The following ARRDC3 variants were observed in gnomAD, a reference collection of about 807,000 sequenced individuals.
ARRDC3 encodes arrestin domain containing 3.
Under a neutral mutation model 47.2 loss-of-function variants are expected in ARRDC3, and 10 were observed. The ratio of observed to expected loss-of-function variants is 0.21; its 90% CI spans 0.13 to 0.36. The LOEUF is 0.36. ARRDC3 is among the 10% of genes least tolerant of loss of function. The probability of loss-of-function intolerance (pLI) is 1.00; values close to 1 mark genes in which losing one functional copy is unlikely to be tolerated. For missense variants in ARRDC3, 381 were observed against 503.6 expected (o/e 0.76, Z 2.33); for synonymous variants, 156 against 178.3 (o/e 0.87, Z 1.00).
chr5:91,375,035 C>T lies in ARRDC3; in HGVS notation c.757G>A (p.Glu253Lys). The change falls in exon 5 of 8, where the codon GAA becomes AAA. Residue 253 changes from glutamate to lysine, a missense_variant. Glu to Lys is a moderately conservative substitution (Grantham distance 56, BLOSUM62 1). Coordinates refer to ENST00000265138, the MANE Select transcript of ARRDC3 (RefSeq NM_020801.4). ...VKQLVANLRG[E>K]SLSSGKTETW... is the part of the protein sequence containing the mutation. ...TCTGTCTTTCCAGATGATAAGGATTCCCCACGCAAGTTAGCCACAAGCTGT... is the reference window on the plus strand; with the variant it reads ...TCTGTCTTTCCAGATGATAAGGATTTCCCACGCAAGTTAGCCACAAGCTGT... 6.2e-7 allele frequency: 1 copy of T among 1,614,182 alleles called. No individual in the cohort carries two copies. The highest frequency in any genetic ancestry group is 8.5e-7 in the Non-Finnish European group (1 of 1,180,030).
At chr5:91,373,640 C>T (rs1215322966) in intron 7 of ARRDC3, 44 bp downstream of exon 7, 2 of 1,545,820 alleles carry the variant, frequency 1.3e-6, no homozygotes, top group East Asian at 2.3e-5. Flanking sequence ...ATGCTATTTC[C>T]CAAGATAGCC....
chr5:91,376,908 A>G (rs1282245346), intron 2 of ARRDC3, 140 bp from the exon 3 acceptor site: 1 of 768,806 alleles, frequency 1.3e-6, no homozygotes, highest in Middle Eastern at 4.3e-4. Flanking sequence ...AAAATTTCCA[A>G]AGGGATAAGT....
intron 7 of ARRDC3, among the ~76,000 whole-genome samples, chr5:91,372,752 C>T (rs1799209718): frequency 6.6e-6 from 1 of 151,920 alleles, no homozygotes; most frequent in African/African-American, 2.4e-5. Flanking sequence ...ATGAACAATC[C>T]CCTAATGTTT....
intron 1 of ARRDC3, 28 bp from the exon 2 acceptor site, chr5:91,378,803 G>A: frequency 1.4e-6 from 2 of 1,457,924 alleles, no homozygotes; most frequent in South Asian, 2.5e-5. Flanking sequence ...AGAAAACAAA[G>A]AATTTATTAT....
chr5:91,374,443 T>C, intron 5 of ARRDC3, among the ~76,000 whole-genome samples, 167 bp from the exon 6 acceptor site: 1 of 152,312 alleles, frequency 6.6e-6, no homozygotes, highest in South Asian at 2.1e-4. Flanking sequence ...TACATTTACA[T>C]ATAAGGTATA....
At chr5:91,377,128 T>A (rs1420025071) in intron 2 of ARRDC3, among the ~76,000 whole-genome samples, 1 of 152,230 alleles carries the variant, frequency 6.6e-6, no homozygotes, top group East Asian at 1.9e-4. Context: ...CTATTTCTAC[T>A]GATAAATTCT....
At position 91,378,600 on chromosome 5, in the gene ARRDC3, T is replaced by C. The variant is rs147624953; in HGVS notation, c.362+94A>G. On this transcript the variant is annotated intron_variant, in intron 2 of 7. Coordinates refer to ENST00000265138, the MANE Select transcript of ARRDC3 (RefSeq NM_020801.4). ...TTCAGTAATGAAAAGGGTTTTTTTT[T>C]CAACTAAAAATGTTTAAATTTAGAA... The C allele has an allele frequency of 3.4e-3, 2,532 of 741,358 alleles. 44 individuals carry two copies. In the African/African-American group the frequency reaches 0.039, roughly 11 times the overall value. The allele number at this position is 741,358 out of a possible 1,614,324, so 45.9% of individuals were successfully genotyped here.
In ARRDC3 at chr5:91,370,873, A is replaced by C. The variant is rs1799154843; in HGVS notation, c.*527T>G. 1 of 152,726 alleles carries C rather than the reference A, an allele frequency of 6.5e-6. No individual in the cohort carries two copies. The highest frequency in any genetic ancestry group is 6.6e-5 in the Admixed American group (1 of 15,260). The allele number at this position is 152,726 out of a possible 1,614,324, so 9.5% of individuals were successfully genotyped here. On this transcript the variant is annotated 3_prime_UTR_variant, in exon 8 of 8. Transcript: ENST00000265138. ...ATTCTGAGCATGTGCATACGCAGGT[A>C]AAGTCCAGGCTATATTAAATAAAAA...
intron 3 of ARRDC3, 29 bp from the exon 4 acceptor site, chr5:91,375,642 TC>T: frequency 6.7e-7 from 1 of 1,489,218 alleles, no homozygotes; most frequent in Non-Finnish European, 9.3e-7. Context: ...GAGAAAAAGG[TC>T]AGTGTATGGA....
At chr5:91,376,492 G>A (rs1799305933) in intron 3 of ARRDC3, 129 bp downstream of exon 3, 3 of 840,838 alleles carry the variant, frequency 3.6e-6, no homozygotes, top group South Asian at 4.0e-5. Flanking sequence ...TTAAGAAAAT[G>A]TATATTTATG....
At chr5:91,382,706 C>G in intron 1 of ARRDC3, 107 bp downstream of exon 1, 2 of 1,272,376 alleles carry the variant, frequency 1.6e-6, no homozygotes, top group South Asian at 2.9e-5. Context: ...TAACCTTTCT[C>G]AAACTGCTTA....
chr5:91,376,687 T>A lies in ARRDC3; in HGVS notation c.444A>T (p.Leu148=), dbSNP rs745722260. 1.2e-6 allele frequency: 2 copies of A among 1,613,822 alleles called. No individual in the cohort carries two copies. The highest frequency in any genetic ancestry group is 1.7e-6 in the Non-Finnish European group (2 of 1,179,778). The change falls in exon 3 of 8, where the codon CTA becomes CTT. Residue 148 remains leucine, a synonymous_variant. Transcript: ENST00000265138. The stretch of plus-strand genomic sequence containing the variant: ...TAAATTCCTTCTTTAATTTTACTGG[T>A]AGTAGCCAAGGCCTGTGCAATTCGG... ...VKAELHRPWL[L]PVKLKKEFTV...
chr5:91,380,478 G>T (rs1316321846), intron 1 of ARRDC3: 2 of 152,266 alleles, frequency 1.3e-5, no homozygotes, highest in Non-Finnish European at 2.9e-5. Flanking sequence ...GATGGGGGAG[G>T]GGGCAGAGGA....
intron 7 of ARRDC3, among the ~76,000 whole-genome samples, chr5:91,372,722 T>TA (rs371950395): frequency 2.3e-4 from 35 of 150,862 alleles, no homozygotes; most frequent in East Asian, 3.9e-4. Context: ...ATGGTGTTAA[T>TA]AAAAAAAAAG....
intron 1 of ARRDC3, among the ~76,000 whole-genome samples, chr5:91,379,076 T>A (rs1006362359): frequency 6.6e-6 from 1 of 152,100 alleles, no homozygotes; most frequent in African/African-American, 2.4e-5. Flanking sequence ...ATAGTATATA[T>A]ACTCAAAAGG....
chr5:91,373,841 G>A lies in ARRDC3; in HGVS notation c.1034-3C>T. ...CACTTCTGCATAGCTGGGTGGTGCT[G>A]AAGGAAAAAGATACACGCAATTCGA... On this transcript the variant is annotated splice_region_variant and splice_polypyrimidine_tract_variant and intron_variant, in intron 6 of 7. Coordinates refer to ENST00000265138, the MANE Select transcript of ARRDC3 (RefSeq NM_020801.4). 6.2e-7 allele frequency: 1 copy of A among 1,613,832 alleles called. No individual in the cohort carries two copies. The highest frequency in any genetic ancestry group is 8.5e-7 in the Non-Finnish European group (1 of 1,179,810).
chr5:91,374,963 T>C lies in ARRDC3; in HGVS notation c.829A>G (p.Ile277Val), dbSNP rs771246835. The change falls in exon 5 of 8, where the codon ATC becomes GTC. Residue 277 changes from isoleucine (I) to valine (V), a missense_variant. Coordinates refer to ENST00000265138, the MANE Select transcript of ARRDC3 (RefSeq NM_020801.4). ...LLKIPPVSPS[I>V]LDCSIIRVEY... ...ACGCGGATTATACTACAGTCGAGGA[T>C]AGAGGGAGAAACTGGTGGAATTTTC... 1.2e-6 allele frequency: 2 copies of C among 1,614,218 alleles called. No homozygotes were observed. Among genetic ancestry groups the C allele is most frequent in the Non-Finnish European group, 1.7e-6 (2 of 1,180,018 alleles).
At chr5:91,379,416 C>A (rs1799386410) in intron 1 of ARRDC3, among the ~76,000 whole-genome samples, 1 of 151,456 alleles carries the variant, frequency 6.6e-6, no homozygotes, top group Admixed American at 6.6e-5. Context: ...TCAGTTGGTC[C>A]TAGCAACGAC....
intron 6 of ARRDC3, 132 bp downstream of exon 6, chr5:91,373,982 G>T: frequency 7.0e-7 from 1 of 1,424,392 alleles, no homozygotes; most frequent in Non-Finnish European, 9.6e-7. Flanking sequence ...AATCAAAACT[G>T]AATATTAGGG....
Sources: gnomAD v4.1 joint callset for allele counts (sites outside exome capture counted in the v4.1 genomes callset) on GRCh38, gnomAD v4.1.1 for gene constraint, MANE v1.5 for transcripts, NCBI Gene and HGNC (gene_info 2026-07-23, HGNC 2026-07-21) for gene names.